MIA2: variants seen among roughly 807,000 people sequenced by gnomAD.
The protein encoded by MIA2 is melanoma inhibitory activity protein 2.
Under a neutral mutation model 167.8 loss-of-function variants are expected in MIA2, and 127 were observed. The observed-to-expected ratio is 0.76, with a 90% confidence interval of 0.66 to 0.88. The LOEUF (loss-of-function observed/expected upper bound fraction) is 0.88, where lower values mean the gene tolerates loss of function less well. MIA2 is among the 40% of genes least tolerant of loss of function. The pLI is 0.00. For synonymous variants in MIA2, 552 were observed against 541.9 expected, an observed-to-expected ratio of 1.02 and a Z score of -0.26; for missense variants, 1,690 against 1,624.7, an observed-to-expected ratio of 1.04 and a Z score of -0.69.
At chr14:39,235,024 A>G (rs537214989) in intron 1 of MIA2, among the ~76,000 whole-genome samples, 151 of 151,692 alleles carry the variant, frequency 1.0e-3, no homozygotes, top group African/African-American at 3.5e-3. Context: ...GCTTTAAATA[A>G]ATTCTACCTT....
chr14:39,302,341 G>A, intron 15 of MIA2, 92 bp downstream of exon 15: 2 of 1,426,018 alleles, frequency 1.4e-6, no homozygotes, highest in Non-Finnish European at 1.9e-6. Context: ...TTCTTTATAT[G>A]CTTTTACTTT....
At chr14:39,318,617 C>A (rs1274020982) in intron 22 of MIA2, among the ~76,000 whole-genome samples, 1 of 152,012 alleles carries the variant, frequency 6.6e-6, no homozygotes, top group Non-Finnish European at 1.5e-5. Context: ...AAATTAAAAT[C>A]AAATTATTAA....
At chr14:39,309,301 C>G (rs1442081830) in intron 18 of MIA2, among the ~76,000 whole-genome samples, 2 of 152,182 alleles carry the variant, frequency 1.3e-5, no homozygotes, top group African/African-American at 4.8e-5. Context: ...CTCAAAATCC[C>G]TGAGTGCCTT....
chr14:39,365,650 C>A (rs934039060), intron 23 of MIA2, among the ~76,000 whole-genome samples: 2 of 147,872 alleles, frequency 1.4e-5, no homozygotes, highest in African/African-American at 2.5e-5. Flanking sequence ...TTTAAAAATA[C>A]CTATCTATCT....
At chr14:39,289,779 A>T (rs1234455194) in intron 9 of MIA2, among the ~76,000 whole-genome samples, 1 of 152,194 alleles carries the variant, frequency 6.6e-6, no homozygotes, top group Non-Finnish European at 1.5e-5. Context: ...TACCATGCCC[A>T]GCCTTAAAAC....
chr14:39,289,274 G>C (rs1322271716), intron 9 of MIA2, among the ~76,000 whole-genome samples: 1 of 151,740 alleles, frequency 6.6e-6, no homozygotes, highest in Non-Finnish European at 1.5e-5. Context: ...AGGCTGGAGT[G>C]CATGATCTCG....
At chr14:39,362,709 T>C (rs2074713884) in intron 23 of MIA2, among the ~76,000 whole-genome samples, 1 of 152,164 alleles carries the variant, frequency 6.6e-6, no homozygotes, top group Non-Finnish European at 1.5e-5. Flanking sequence ...TTATTATTTA[T>C]TTCCTTCTAA....
downstream of MIA2, among the ~76,000 whole-genome samples, chr14:39,352,550 C>A (rs1011452288): frequency 4.6e-5 from 7 of 151,906 alleles, no homozygotes; most frequent in Non-Finnish European, 8.8e-5. Flanking sequence ...ATAGTCACCT[C>A]TTTGGTATCT....
intron 6 of MIA2, chr14:39,267,449 G>A: frequency 2.5e-6 from 4 of 1,612,510 alleles, no homozygotes; most frequent in Non-Finnish European, 3.4e-6. Context: ...CACGAGAGCA[G>A]CTTTGGCGCT....
chr14:39,277,693 T>C (rs2058253494), intron 7 of MIA2, among the ~76,000 whole-genome samples: 1 of 2,316 alleles, frequency 4.3e-4, no homozygotes, highest in East Asian at 0.038. Context: ...TATATGTGTG[T>C]ATATATATAT....
intron 23 of MIA2, among the ~76,000 whole-genome samples, chr14:39,384,980 CA>C (rs1377906030): frequency 6.6e-6 from 1 of 152,122 alleles, no homozygotes; most frequent in Non-Finnish European, 1.5e-5. Flanking sequence ...TTTAATGGAA[CA>C]ACTCAAATGC....
intron 23 of MIA2, among the ~76,000 whole-genome samples, chr14:39,362,630 C>T (rs749375985): frequency 1.6e-4 from 25 of 151,990 alleles, no homozygotes; most frequent in Non-Finnish European, 2.9e-4. Flanking sequence ...TACAAATACC[C>T]AACTTTTTGC....
At chr14:39,372,761 C>A (rs2074973098) in intron 23 of MIA2, among the ~76,000 whole-genome samples, 2 of 152,138 alleles carry the variant, frequency 1.3e-5, no homozygotes, top group Admixed American at 6.5e-5. Context: ...TATAGAGATT[C>A]CTGCACAAAT....
intron 9 of MIA2, among the ~76,000 whole-genome samples, chr14:39,288,253 G>T (rs10150967): frequency 3.3e-5 from 5 of 150,764 alleles, no homozygotes; most frequent in African/African-American, 9.8e-5. Context: ...CTTGAGCCCA[G>T]GAATTCAAGT....
intron 23 of MIA2, among the ~76,000 whole-genome samples, chr14:39,380,792 A>G (rs1054001048): frequency 1.3e-5 from 2 of 151,816 alleles, no homozygotes; most frequent in African/African-American, 4.8e-5. Context: ...TTAGATTGCT[A>G]GTTTTAAATT....
At chr14:39,288,455 A>ATTTTTTTTTT (rs1566747448) in intron 9 of MIA2, among the ~76,000 whole-genome samples, 1 of 15,784 alleles carries the variant, frequency 6.3e-5, no homozygotes, top group African/African-American at 1.6e-4. Context: ...ATATATATAT[A>ATTTTTTTTTT]TATATATATA....
chr14:39,345,184 A>G (rs1340797026), intron 25 of MIA2, among the ~76,000 whole-genome samples: 1 of 151,986 alleles, frequency 6.6e-6, no homozygotes, highest in Non-Finnish European at 1.5e-5. Context: ...GGTTCAGGTG[A>G]TTCTTCTGCC....
At chr14:39,260,730 T>A (rs2055061855) in intron 6 of MIA2, among the ~76,000 whole-genome samples, 1 of 152,230 alleles carries the variant, frequency 6.6e-6, no homozygotes, top group South Asian at 2.1e-4. Context: ...CATTTGTCAA[T>A]TTTGGCTTTT....
intron 4 of MIA2, among the ~76,000 whole-genome samples, chr14:39,251,698 C>T (rs147486123): frequency 2.0e-5 from 3 of 152,002 alleles, no homozygotes; most frequent in Non-Finnish European, 2.9e-5. Context: ...GTATTATCAT[C>T]CACAGGTGCT....
Sources: gnomAD v4.1 joint callset for allele counts (sites outside exome capture counted in the v4.1 genomes callset) on GRCh38, gnomAD v4.1.1 for gene constraint, MANE v1.5 for transcripts, NCBI Gene and HGNC (gene_info 2026-07-23, HGNC 2026-07-21) for gene names.